The following UBE3D variants were observed in gnomAD, a reference collection of about 807,000 sequenced individuals.
The protein encoded by UBE3D is E3 ubiquitin-protein ligase E3D.
In UBE3D, 48 loss-of-function variants were observed where a neutral mutation model predicts 49.6. The ratio of observed to expected loss-of-function variants is 0.97; its 90% confidence interval spans 0.77 to 1.23. The LOEUF (loss-of-function observed/expected upper bound fraction) is 1.23. UBE3D is among the 50% of genes most tolerant of loss of function. The pLI, the probability that UBE3D is intolerant of heterozygous loss-of-function variation, is 0.00. For missense variants in UBE3D, 452 were observed against 468.4 expected (o/e 0.96, Z 0.32); for synonymous variants, 189 against 174.2 (o/e 1.08, Z -0.67).
chr6:82,931,928 C>T (rs999394046), intron 9 of UBE3D, among the ~76,000 whole-genome samples: 1 of 152,050 alleles, frequency 6.6e-6, no homozygotes, highest in African/African-American at 2.4e-5. Context: ...CTCCACATGT[C>T]GTGGGAGGGA....
intron 4 of UBE3D, 38 bp from the exon 5 acceptor site, chr6:83,038,523 CT>C: frequency 6.5e-7 from 1 of 1,550,068 alleles, no homozygotes; most frequent in South Asian, 1.2e-5. Context: ...TGTCATTCAG[CT>C]TTTCTTAAAA....
intron 9 of UBE3D, among the ~76,000 whole-genome samples, chr6:82,947,259 T>G (rs1408208257): frequency 6.6e-6 from 1 of 152,010 alleles, no homozygotes; most frequent in African/African-American, 2.4e-5. Flanking sequence ...ATAATGATTG[T>G]AAATATATGT....
At chr6:82,920,996 C>T (rs1473018481) in intron 9 of UBE3D, among the ~76,000 whole-genome samples, 1 of 145,146 alleles carries the variant, frequency 6.9e-6, no homozygotes, top group African/African-American at 2.6e-5. Context: ...AGGCTGGATA[C>T]CCAGGCTGGA....
intron 9 of UBE3D, among the ~76,000 whole-genome samples, chr6:82,911,603 G>A (rs1168226822): frequency 6.6e-6 from 1 of 152,180 alleles, no homozygotes; most frequent in Non-Finnish European, 1.5e-5. Flanking sequence ...GGCCACATGT[G>A]AGACAGATTT....
intron 9 of UBE3D, among the ~76,000 whole-genome samples, chr6:82,905,641 G>C (rs537073246): frequency 3.3e-5 from 5 of 152,094 alleles, no homozygotes; most frequent in African/African-American, 7.2e-5. Context: ...AAAATGTTTG[G>C]GGCAGGTTAG....
At chr6:82,946,176 A>C (rs1775386265) in intron 9 of UBE3D, among the ~76,000 whole-genome samples, 1 of 152,186 alleles carries the variant, frequency 6.6e-6, no homozygotes, top group Admixed American at 6.5e-5. Context: ...AAAACCAACC[A>C]GATTCCACAG....
At chr6:82,909,946 T>A (rs4706976) in intron 9 of UBE3D, among the ~76,000 whole-genome samples, 39,822 of 152,120 alleles carry the variant, frequency 0.26, 6,638 homozygotes, top group African/African-American at 0.47. Context: ...CTTGGGGGAC[T>A]AGAAAGGCAC....
Position 83,019,131 on chromosome 6 carries a change from C to T in UBE3D, c.852G>A (p.Trp284Ter), listed in dbSNP as rs769526159. 2 of 1,612,096 alleles carry T rather than the reference C, an allele frequency of 1.2e-6. No homozygotes were observed. The highest frequency in any genetic ancestry group is 1.7e-6 in the Non-Finnish European group (2 of 1,179,246). Residue 284 changes from tryptophan (W) to a stop codon, truncating the protein, a stop_gained, in exon 8 of 10, where the codon TGG becomes TGA. Coordinates refer to ENST00000369747, the MANE Select transcript of UBE3D (RefSeq NM_198920.3). LOFTEE classifies it high-confidence loss of function. ...GQDDKVYILL[W>*]LLNSDSLVIE... ...TCACCAAACTGTCTGAATTTAAAAG[C>T]CATAGCTAAAGATGTGAAGAGAAAG...
intron 9 of UBE3D, among the ~76,000 whole-genome samples, chr6:82,941,507 C>G (rs1177622229): frequency 7.6e-6 from 1 of 131,852 alleles, no homozygotes; most frequent in African/African-American, 2.7e-5. Context: ...TGCTACTTAC[C>G]TGTAAAATTC....
At chr6:82,963,544 G>A (rs1383504863) in intron 8 of UBE3D, among the ~76,000 whole-genome samples, 2 of 152,178 alleles carry the variant, frequency 1.3e-5, no homozygotes, top group African/African-American at 2.4e-5. Context: ...AGAACTTGGA[G>A]TTCAATGTTC....
chr6:83,027,086 A>T (rs985627011), intron 5 of UBE3D, among the ~76,000 whole-genome samples: 1 of 152,036 alleles, frequency 6.6e-6, no homozygotes, highest in African/African-American at 2.4e-5. Flanking sequence ...TTGAACTTAG[A>T]TCTTCTATGT....
chr6:82,935,367 C>T (rs1774491149), intron 9 of UBE3D, among the ~76,000 whole-genome samples: 1 of 152,064 alleles, frequency 6.6e-6, no homozygotes, highest in African/African-American at 2.4e-5. Flanking sequence ...CAGCCTCCCA[C>T]CAGGCCCCAC....
At chr6:82,973,785 G>A (rs143369921) in intron 8 of UBE3D, among the ~76,000 whole-genome samples, 1,565 of 152,276 alleles carry the variant, frequency 0.01, 12 homozygotes, top group Admixed American at 0.017. Context: ...AGCAGGCGAA[G>A]TTTCATCTGA....
At chr6:82,989,069 A>AT (rs1778709282) in intron 8 of UBE3D, among the ~76,000 whole-genome samples, 1 of 152,064 alleles carries the variant, frequency 6.6e-6, no homozygotes, top group Non-Finnish European at 1.5e-5. Flanking sequence ...TCATTTATAG[A>AT]TAAGGTTTAT....
intron 9 of UBE3D, among the ~76,000 whole-genome samples, chr6:82,898,880 A>G (rs1291114581): frequency 1.3e-5 from 2 of 152,112 alleles, no homozygotes; most frequent in Non-Finnish European, 2.9e-5. Context: ...GGCTAGCTTC[A>G]TTCATTCAAT....
intron 8 of UBE3D, among the ~76,000 whole-genome samples, chr6:82,981,337 A>C (rs1490354492): frequency 6.6e-6 from 1 of 152,134 alleles, no homozygotes; most frequent in Non-Finnish European, 1.5e-5. Flanking sequence ...TTTTATTACC[A>C]AGATCATTCA....
chr6:82,911,223 A>AAAAAAAAT (rs1772496649), intron 9 of UBE3D, among the ~76,000 whole-genome samples: 3 of 149,354 alleles, frequency 2.0e-5, no homozygotes, highest in Non-Finnish European at 3.0e-5. Flanking sequence ...AAAAAAAAAA[A>AAAAAAAAT]CTCAGGGGGG....
intron 9 of UBE3D, among the ~76,000 whole-genome samples, chr6:82,911,372 A>G (rs1772513827): frequency 6.6e-6 from 1 of 152,182 alleles, no homozygotes; most frequent in Admixed American, 6.5e-5. Flanking sequence ...GTATTTGGGG[A>G]CACAGCAAAA....
intron 7 of UBE3D, among the ~76,000 whole-genome samples, chr6:83,021,147 A>G (rs969186165): frequency 6.6e-6 from 1 of 152,184 alleles, no homozygotes; most frequent in African/African-American, 2.4e-5. Context: ...CAACAGAAGA[A>G]GGCCAGGCAT....
Sources: allele counts gnomAD v4.1 joint callset (sites outside exome capture counted in the v4.1 genomes callset), GRCh38; gene constraint gnomAD v4.1.1; transcripts MANE v1.5; gene names NCBI Gene and HGNC (gene_info 2026-07-23, HGNC 2026-07-21).